AGMO: variants seen among roughly 807,000 people sequenced by gnomAD.
AGMO encodes the protein glyceryl-ether monooxygenase.
Under a neutral mutation model 60.2 loss-of-function variants are expected in AGMO, and 75 were observed. The observed-to-expected ratio is 1.25, with a 90% CI of 1.03 to 1.51. The LOEUF (loss-of-function observed/expected upper bound fraction) is 1.51, where lower values mean the gene tolerates loss of function less well. Among genes scored for constraint, AGMO ranks in the 40% most tolerant of loss-of-function variants. The probability of loss-of-function intolerance (pLI) is 0.00; values close to 1 mark genes in which losing one functional copy is unlikely to be tolerated. For synonymous variants in AGMO, 261 were observed against 177.1 expected, an observed-to-expected ratio of 1.47 and a Z score of -3.76; for missense variants, 763 against 525.5, an observed-to-expected ratio of 1.45 and a Z score of -4.42.
At chr7:15,353,953 A>G (rs1157917650) in intron 12 of AGMO, among the ~76,000 whole-genome samples, 3 of 152,168 alleles carry the variant, frequency 2.0e-5, no homozygotes, top group Non-Finnish European at 4.4e-5. Flanking sequence ...TTAAAAACCC[A>G]TACAAAGCCA....
chr7:15,341,541 ATCTT>A (rs1295372913), intron 12 of AGMO, among the ~76,000 whole-genome samples: 3 of 152,088 alleles, frequency 2.0e-5, no homozygotes, highest in Non-Finnish European at 1.5e-5. Context: ...AGTTTCCCAC[ATCTT>A]TCTGTCTTCT....
At chr7:15,379,897 T>A (rs1396185122) in intron 10 of AGMO, among the ~76,000 whole-genome samples, 2 of 152,040 alleles carry the variant, frequency 1.3e-5, no homozygotes, top group Non-Finnish European at 2.9e-5. Flanking sequence ...TTAACAGAAC[T>A]AAAGACAGAA....
Position 15,358,325 on chromosome 7 carries a change from A to T in AGMO, c.1263+7189T>A. 3 of 439,646 alleles carry T rather than the reference A, an allele frequency of 6.8e-6. No homozygotes were observed. The East Asian group carries it at 2.1e-4, about 31-fold the overall frequency. 27.2% of individuals were successfully genotyped at this position (439,646 alleles called of 1,614,324 possible). ...GCACATAAAATGGCTGAGGCAGCAA[A>T]TTGTTAACCTTGGGTTAATGCTTTT... On this transcript the variant is annotated intron_variant, in intron 12 of 12. Coordinates refer to ENST00000342526, the MANE Select transcript of AGMO (RefSeq NM_001004320.2).
chr7:15,469,361 T>C (rs1222766934), intron 3 of AGMO, among the ~76,000 whole-genome samples: 5 of 152,110 alleles, frequency 3.3e-5, no homozygotes, highest in Non-Finnish European at 5.9e-5. Context: ...CTAAGACATG[T>C]TTATATAAAG....
rs1785321676 is a variant in AGMO, at chr7:15,561,899, G to A, written c.-54C>T. ...GAATATTTAGGATTCAATGCTTGAA[G>A]CCTGAGGCTGAACAAAGAGGACGAG... On this transcript the variant is annotated 5_prime_UTR_variant, in exon 1 of 13. Transcript: ENST00000342526. 2 of 1,530,192 alleles carry A rather than the reference G, an allele frequency of 1.3e-6. No homozygotes were observed. The highest frequency in any genetic ancestry group is 2.5e-5 in the South Asian group (2 of 79,880). 94.8% of individuals were successfully genotyped at this position (1,530,192 alleles called of 1,614,324 possible). A position where few individuals can be genotyped will look rare whatever the true frequency, so the allele number is the denominator to read the frequency against.
intron 5 of AGMO, 142 bp downstream of exon 5, chr7:15,418,416 G>A (rs1303879691): frequency 2.0e-5 from 12 of 588,876 alleles, no homozygotes; most frequent in Admixed American, 7.2e-5. Context: ...CACTAAAAAC[G>A]AATAAAAATG....
chr7:15,305,974 A>AT (rs890656329), intron 12 of AGMO, among the ~76,000 whole-genome samples: 3 of 151,970 alleles, frequency 2.0e-5, no homozygotes, highest in Admixed American at 6.6e-5. Context: ...CAAGTATCTT[A>AT]TTTTTTTCTG....
chr7:15,212,115 T>A (rs1781608196), intron 12 of AGMO, among the ~76,000 whole-genome samples: 1 of 151,862 alleles, frequency 6.6e-6, no homozygotes. Flanking sequence ...GAAAACCTAT[T>A]AAAATGTTCA....
intron 12 of AGMO, among the ~76,000 whole-genome samples, chr7:15,334,512 G>A (rs1229277072): frequency 1.3e-5 from 2 of 152,066 alleles, no homozygotes; most frequent in Non-Finnish European, 2.9e-5. Context: ...CCCTAGGGCA[G>A]TAGATTATTT....
At chr7:15,268,619 G>GTGTGGATACATTGAT (rs1783504346) in intron 12 of AGMO, among the ~76,000 whole-genome samples, 1 of 151,956 alleles carries the variant, frequency 6.6e-6, no homozygotes, top group South Asian at 2.1e-4. Context: ...GATACATTGA[G>GTGTGGATACATTGAT]TGTGGAAATT....
At chr7:15,270,596 A>ATTTTTTTTTTTTTTTT (rs527463907) in intron 12 of AGMO, among the ~76,000 whole-genome samples, 63 of 48,050 alleles carry the variant, frequency 1.3e-3, no homozygotes, top group Admixed American at 1.6e-3. Context: ...TCTGTTGATA[A>ATTTTTTTTTTTTTTTT]TTTTTTTTTT....
the AGMO span, among the ~76,000 whole-genome samples, chr7:15,117,987 A>T: frequency 6.6e-6 from 1 of 152,018 alleles, no homozygotes; most frequent in African/African-American, 2.4e-5. Context: ...TTGATTACAG[A>T]CATGAAATGA....
chr7:15,276,968 C>T (rs1187968114), intron 12 of AGMO, among the ~76,000 whole-genome samples: 2 of 150,462 alleles, frequency 1.3e-5, no homozygotes, highest in Non-Finnish European at 1.5e-5. Context: ...TGTTGGTTTC[C>T]AATCTTCTCT....
chr7:15,364,601 CGT>C (rs1782898522), intron 12 of AGMO, among the ~76,000 whole-genome samples: 1 of 151,900 alleles, frequency 6.6e-6, no homozygotes, highest in African/African-American at 2.4e-5. Context: ...CACCGATTCG[CGT>C]GTGTGAGTAT....
intron 6 of AGMO, among the ~76,000 whole-genome samples, chr7:15,393,712 A>G (rs1444213942): frequency 6.6e-6 from 1 of 152,196 alleles, no homozygotes; most frequent in Non-Finnish European, 1.5e-5. Flanking sequence ...CTCTCCTTAA[A>G]TCAAAACAGT....
At chr7:15,323,910 T>C (rs962905208) in intron 12 of AGMO, among the ~76,000 whole-genome samples, 2 of 152,248 alleles carry the variant, frequency 1.3e-5, no homozygotes, top group African/African-American at 2.4e-5. Flanking sequence ...GAAACGTCAA[T>C]GTTCTTGCTA....
At chr7:15,313,872 C>A (rs1176753355) in intron 12 of AGMO, among the ~76,000 whole-genome samples, 1 of 151,182 alleles carries the variant, frequency 6.6e-6, no homozygotes, top group Non-Finnish European at 1.5e-5. Flanking sequence ...CAGATGGGGT[C>A]TCTCTCTCTC....
At chr7:15,427,564 C>T (rs926734903) in intron 4 of AGMO, among the ~76,000 whole-genome samples, 2 of 152,116 alleles carry the variant, frequency 1.3e-5, no homozygotes, top group African/African-American at 4.8e-5. Context: ...AGTGCCTTTG[C>T]TCTGAATATA....
intron 12 of AGMO, among the ~76,000 whole-genome samples, chr7:15,320,364 T>C (rs1301931976): frequency 1.3e-5 from 2 of 152,010 alleles, no homozygotes; most frequent in South Asian, 2.1e-4. Flanking sequence ...AGAGAAGCCA[T>C]ATATTTTAGT....
Sources: allele counts gnomAD v4.1 joint callset (sites outside exome capture counted in the v4.1 genomes callset), GRCh38; gene constraint gnomAD v4.1.1; transcripts MANE v1.5; gene names NCBI Gene and HGNC (gene_info 2026-07-23, HGNC 2026-07-21).